The following ANKS1B variants were observed in gnomAD, a reference collection of about 807,000 sequenced individuals.
ANKS1B encodes ankyrin repeat and sterile alpha motif domain containing 1B, also known as ankyrin repeat and sterile alpha motif domain-containing protein 1B.
A neutral mutation model predicts 148.3 loss-of-function variants in ANKS1B; 36 were observed. That is an observed-to-expected ratio of 0.24 (90% confidence interval 0.19 to 0.32). The LOEUF is 0.32. Ranked by LOEUF, ANKS1B falls within the 10% of genes least tolerant of loss-of-function variation. ANKS1B has a pLI of 1.00. For missense variants in ANKS1B, 1,157 were observed against 1,542.6 expected, an observed-to-expected ratio of 0.75 and a Z score of 4.19; for synonymous variants, 542 against 560.8, an observed-to-expected ratio of 0.97 and a Z score of 0.47.
At chr12:99,148,230 C>T (rs638177) in intron 15 of ANKS1B, among the ~76,000 whole-genome samples, 126,973 of 152,044 alleles carry the variant, frequency 0.84, 53,503 homozygotes, top group East Asian at 1. Context: ...GATCAAATTA[C>T]GCAAATATGC....
chr12:98,979,092 A>G (rs546806574), intron 17 of ANKS1B, among the ~76,000 whole-genome samples: 291 of 151,582 alleles, frequency 1.9e-3, no homozygotes, highest in Non-Finnish European at 3.6e-3. Flanking sequence ...CAGTGAGCTG[A>G]GATTGCGCCA....
At chr12:99,610,856 T>C (rs1421512186) in intron 9 of ANKS1B, among the ~76,000 whole-genome samples, 7 of 152,124 alleles carry the variant, frequency 4.6e-5, no homozygotes, top group Non-Finnish European at 7.4e-5. Context: ...TCAAGAATAT[T>C]TATGAGTATG....
At chr12:98,739,431 A>T (rs2097787749), downstream of ANKS1B, among the ~76,000 whole-genome samples, 2 of 152,206 alleles carry the variant, frequency 1.3e-5, no homozygotes. Flanking sequence ...GGTGGGGGGA[A>T]TGCGTTGGAT....
chr12:99,952,715 G>A (rs1016204489), intron 1 of ANKS1B, among the ~76,000 whole-genome samples: 3 of 152,156 alleles, frequency 2.0e-5, no homozygotes, highest in Non-Finnish European at 4.4e-5. Context: ...CCAAATGTGA[G>A]TCTCTAAAGG....
At chr12:99,316,709 A>G (rs559265197) in intron 12 of ANKS1B, among the ~76,000 whole-genome samples, 138 of 152,184 alleles carry the variant, frequency 9.1e-4, no homozygotes, top group African/African-American at 3.2e-3. Flanking sequence ...TTTTGTTGCC[A>G]TTGCTTTTGG....
chr12:99,366,174 G>T (rs1161384302), intron 12 of ANKS1B, among the ~76,000 whole-genome samples: 1 of 152,226 alleles, frequency 6.6e-6, no homozygotes, highest in Non-Finnish European at 1.5e-5. Context: ...GTGCAAGACT[G>T]GAAGGTGTTA....
In ANKS1B at chr12:98,879,426, T is replaced by A. The variant is rs76269931; in HGVS notation, c.2779-47290A>T. On this transcript the variant is annotated intron_variant, in intron 17 of 26. Coordinates refer to ENST00000683438, the MANE Select transcript of ANKS1B (RefSeq NM_001352186.2). ...TAAGTCATAGAGTGAGGATGTAATT[T>A]TAGGTCTGATCAGCAACCTCAATAT... Among the ~76,000 whole-genome samples, 10 of 152,334 alleles carry A rather than the reference T, an allele frequency of 6.6e-5. No homozygotes were observed. In the East Asian group the frequency reaches 1.9e-3, roughly 29 times the overall value.
At chr12:98,934,508 C>T (rs1221796801) in intron 17 of ANKS1B, among the ~76,000 whole-genome samples, 1 of 152,014 alleles carries the variant, frequency 6.6e-6, no homozygotes, top group Non-Finnish European at 1.5e-5. Flanking sequence ...TAAAAAAATG[C>T]CATTGGAACT....
intron 17 of ANKS1B, among the ~76,000 whole-genome samples, chr12:99,044,880 G>C (rs2153505201): frequency 6.6e-6 from 1 of 152,194 alleles, no homozygotes; most frequent in East Asian, 1.9e-4. Flanking sequence ...AGTCCCAGAG[G>C]GGGTAAGTGA....
At chr12:99,928,197 G>C (rs2094519529) in intron 1 of ANKS1B, among the ~76,000 whole-genome samples, 1 of 151,922 alleles carries the variant, frequency 6.6e-6, no homozygotes, top group Non-Finnish European at 1.5e-5. Flanking sequence ...AAAATTCAGA[G>C]ATAAACACAA....
chr12:99,453,064 G>C (rs892956479), intron 10 of ANKS1B, among the ~76,000 whole-genome samples: 3 of 152,190 alleles, frequency 2.0e-5, no homozygotes, highest in African/African-American at 7.2e-5. Flanking sequence ...GCCAAGGTGG[G>C]CGGATCACAA....
chr12:99,714,611 C>T lies in ANKS1B; in HGVS notation c.1128+58311G>A, dbSNP rs377228636. 1.1e-4 allele frequency among the ~76,000 whole-genome samples: 16 copies of T among 152,178 alleles called. No homozygotes were observed. In the East Asian group the frequency reaches 2.1e-3, roughly 20 times the overall value. ...ATGTTACTACTGTAATCACTTGAGG[C>T]ACCATGATCCACTATCACATAGAAT... On this transcript the variant is annotated intron_variant, in intron 8 of 26. Coordinates refer to ENST00000683438, the MANE Select transcript of ANKS1B (RefSeq NM_001352186.2).
intron 9 of ANKS1B, among the ~76,000 whole-genome samples, chr12:99,567,072 G>A (rs1224442393): frequency 6.6e-6 from 1 of 152,166 alleles, no homozygotes; most frequent in African/African-American, 2.4e-5. Context: ...CTCCAAAGCT[G>A]CACTGAAGGT....
intron 12 of ANKS1B, among the ~76,000 whole-genome samples, chr12:99,340,637 C>G (rs973043807): frequency 6.6e-6 from 1 of 151,872 alleles, no homozygotes; most frequent in Non-Finnish European, 1.5e-5. Context: ...ATATCCAGTA[C>G]CAGATATCAG....
At position 98,751,521 on chromosome 12, in the gene ANKS1B, T is replaced by G; in HGVS notation, c.3581A>C (p.Asn1194Thr). The change falls in exon 26 of 27, where the codon AAT becomes ACT. Residue 1194 changes from asparagine to threonine, a missense_variant and splice_region_variant. Transcript: ENST00000683438. This position sits in a 1 kb window ranked among gnomAD's most constrained non-coding sequence, Gnocchi z 4.3. ...YCHVFTAFDVNLAYEIILTLG... is the reference protein window; with the variant it reads ...YCHVFTAFDVTLAYEIILTLG... ...GGTTAGGATGATTTCATAGGCTAAATTCTGCAAGAAAAATGAGAAAGCATT... is the reference window on the plus strand; with the variant it reads ...GGTTAGGATGATTTCATAGGCTAAAGTCTGCAAGAAAAATGAGAAAGCATT... 6.2e-7 allele frequency: 1 copy of G among 1,613,170 alleles called. No individual in the cohort carries two copies. Among genetic ancestry groups the G allele is most frequent in the African/African-American group, 1.3e-5 (1 of 74,976 alleles).
intron 9 of ANKS1B, among the ~76,000 whole-genome samples, chr12:99,609,147 G>A (rs977042550): frequency 6.6e-6 from 1 of 152,010 alleles, no homozygotes; most frequent in African/African-American, 2.4e-5. Flanking sequence ...GGAGAAGCAG[G>A]ATCCAACAGA....
chr12:99,932,260 ATTTCT>A (rs2094638897), intron 1 of ANKS1B, among the ~76,000 whole-genome samples: 1 of 152,098 alleles, frequency 6.6e-6, no homozygotes, highest in Non-Finnish European at 1.5e-5. Context: ...TGATATATTG[ATTTCT>A]TTTCTTTTGG....
intron 24 of ANKS1B, 140 bp downstream of exon 24, chr12:98,780,977 G>T: frequency 1.7e-6 from 1 of 603,132 alleles, no homozygotes. Flanking sequence ...GTATCTATAG[G>T]TATATGTAGG....
At chr12:99,023,501 C>G (rs1202556636) in intron 17 of ANKS1B, among the ~76,000 whole-genome samples, 3 of 152,036 alleles carry the variant, frequency 2.0e-5, no homozygotes, top group Non-Finnish European at 4.4e-5. Flanking sequence ...TCCTCCTGCT[C>G]TTCCTCCTTC....
Sources: gnomAD v4.1 joint callset for allele counts (sites outside exome capture counted in the v4.1 genomes callset) on GRCh38, gnomAD v4.1.1 for gene constraint, Gnocchi (gnomAD v3.1) non-coding constraint, MANE v1.5 for transcripts, NCBI Gene and HGNC (gene_info 2026-07-23, HGNC 2026-07-21) for gene names.